The following ACOX2 variants were observed in gnomAD, a reference collection of about 807,000 sequenced individuals.
The protein encoded by ACOX2 is acyl-CoA oxidase 2.
A neutral mutation model predicts 77.5 loss-of-function variants in ACOX2; 59 were observed. The ratio of observed to expected loss-of-function variants is 0.76; its 90% CI spans 0.62 to 0.95. ACOX2 has a LOEUF of 0.95. ACOX2 is among the 40% of genes least tolerant of loss of function. The pLI is 0.00. For synonymous variants in ACOX2, 317 were observed against 340.1 expected (o/e 0.93, Z 0.75); for missense variants, 837 against 880.4 (o/e 0.95, Z 0.62).
chr3:58,523,205 G>A lies in ACOX2; in HGVS notation c.1527-604C>T, dbSNP rs2063372067. 6.6e-6 allele frequency among the ~76,000 whole-genome samples: 1 copy of A among 152,140 alleles called. No individual in the cohort carries two copies. The highest frequency in any genetic ancestry group is 1.5e-5 in the Non-Finnish European group (1 of 68,008). On this transcript the variant is annotated intron_variant, in intron 11 of 14. Coordinates refer to ENST00000302819, the MANE Select transcript of ACOX2 (RefSeq NM_003500.4). This position sits in a 1 kb window ranked among gnomAD's most constrained non-coding sequence, Gnocchi z 5.3. ...ATGACCCTTAGAATTTGTGTGTAAA[G>A]CAAACTGTTTATTAAGCAATATGTT...
At chr3:58,518,252 G>A (rs2107995501) in intron 12 of ACOX2, among the ~76,000 whole-genome samples, 1 of 152,278 alleles carries the variant, frequency 6.6e-6, no homozygotes, top group African/African-American at 2.4e-5. Flanking sequence ...AAGGTAAGCA[G>A]TGCTGTTATT....
At chr3:58,530,401 G>T (rs1262187014) in intron 8 of ACOX2, 65 bp downstream of exon 8, 3 of 1,569,294 alleles carry the variant, frequency 1.9e-6, no homozygotes, top group South Asian at 1.2e-5. Flanking sequence ...GGTGGTGTCA[G>T]GGGGAGGCAC....
rs2107992402 is a variant in ACOX2, at chr3:58,515,314, C to T, written c.1850+1892G>A. On this transcript the variant is annotated intron_variant, in intron 13 of 14. Coordinates refer to ENST00000302819, the MANE Select transcript of ACOX2 (RefSeq NM_003500.4). The surrounding 1 kb of genome is among the most constrained non-coding windows in gnomAD (Gnocchi z 4.0). ...GGGATTGCAGGTATTAGCCACCGCG[C>T]CTGGCCTGAACAAACATTTTTTTGA... 6.6e-6 allele frequency among the ~76,000 whole-genome samples: 1 copy of T among 152,308 alleles called. No individual in the cohort carries two copies. Among genetic ancestry groups the T allele is most frequent in the Middle Eastern group, 3.4e-3 (1 of 294 alleles).
rs1271834946 is a variant in ACOX2 at position 58,534,759 on chromosome 3, C to T, written c.160+188G>A. The T allele has an allele frequency of 7.6e-7, 1 of 1,318,992 alleles. No individual in the cohort carries two copies. Among genetic ancestry groups the T allele is most frequent in the Non-Finnish European group, 1.1e-6 (1 of 940,198 alleles). 81.7% of individuals were successfully genotyped at this position (1,318,992 alleles called of 1,614,324 possible). A position where few individuals can be genotyped will look rare whatever the true frequency, so the allele number is the denominator to read the frequency against. On this transcript the variant is annotated intron_variant, in intron 2 of 14. Coordinates refer to ENST00000302819, the MANE Select transcript of ACOX2 (RefSeq NM_003500.4). The surrounding 1 kb of genome is among the most constrained non-coding windows in gnomAD (Gnocchi z 4.8). ...CTTCTGCTGCCTAGGACTCTTCTAT[C>T]CCCTAGGTGGGCTCAGGCAATATTG...
intron 13 of ACOX2, among the ~76,000 whole-genome samples, chr3:58,509,961 T>C (rs1053517093): frequency 1.3e-5 from 2 of 152,166 alleles, no homozygotes; most frequent in Non-Finnish European, 2.9e-5. Flanking sequence ...TCAAAATATC[T>C]TGTTTATATT....
rs1288249898 is a variant in ACOX2, at chr3:58,525,271, G to GA, written c.1347-667dup. Among the ~76,000 whole-genome samples, 4 of 151,910 alleles carry GA rather than the reference G, an allele frequency of 2.6e-5. No homozygotes were observed. The highest frequency in any genetic ancestry group is 5.9e-5 in the Non-Finnish European group (4 of 67,970). ...GCTATTGTACTCCTTTTCTAATTTGGAAAAAAACCAAGGGATGTTATATAT... is the reference window on the plus strand; with the variant it reads ...GCTATTGTACTCCTTTTCTAATTTGGAAAAAAAACCAAGGGATGTTATATAT... On this transcript the variant is annotated intron_variant, in intron 10 of 14. Coordinates refer to ENST00000302819, the MANE Select transcript of ACOX2 (RefSeq NM_003500.4). The surrounding 1 kb of genome is among the most constrained non-coding windows in gnomAD (Gnocchi z 5.0).
In ACOX2 at chr3:58,534,405, C is replaced by G; in HGVS notation, c.278G>C (p.Arg93Pro). ...RAFHIRLIAR[R>P]LGWLEDGREL... ...ACGACCATCTTCTAACCAACCCAGG[C>G]GCCGAGCTATCAACCGGATGTGGAA... is the stretch of plus-strand genomic sequence containing the variant. Residue 93 changes from arginine to proline, a missense_variant, in exon 3 of 15, where the codon CGC (arginine) becomes CCC (proline). Transcript: ENST00000302819. This position sits in a 1 kb window ranked among gnomAD's most constrained non-coding sequence, Gnocchi z 4.8. The G allele has an allele frequency of 6.2e-7, 1 of 1,614,184 alleles. No homozygotes were observed. The highest frequency in any genetic ancestry group is 8.5e-7 in the Non-Finnish European group (1 of 1,180,042).
At chr3:58,527,874 T>G (rs866697985) in intron 9 of ACOX2, among the ~76,000 whole-genome samples, 142 of 151,682 alleles carry the variant, frequency 9.4e-4, no homozygotes, top group African/African-American at 3.3e-3. Context: ...TCATTTTTTT[T>G]TTTTTTTGTG....
In ACOX2 at chr3:58,525,552, T is replaced by C. The variant is rs909858439; in HGVS notation, c.1346+914A>G. ...GATGCTAAAGCGAGCAAGGTAGGGGTAGTCCCTGCCCTCAGGGAGCTCCTA... is the reference window on the plus strand; with the variant it reads ...GATGCTAAAGCGAGCAAGGTAGGGGCAGTCCCTGCCCTCAGGGAGCTCCTA... On this transcript the variant is annotated intron_variant, in intron 10 of 14. Transcript: ENST00000302819. This position sits in a 1 kb window ranked among gnomAD's most constrained non-coding sequence, Gnocchi z 5.0. Among the ~76,000 whole-genome samples, 1 of 152,116 alleles carries C rather than the reference T, an allele frequency of 6.6e-6. No individual in the cohort carries two copies. The highest frequency in any genetic ancestry group is 2.4e-5 in the African/African-American group (1 of 41,414).
chr3:58,509,685 A>C (rs1386003858), intron 13 of ACOX2, among the ~76,000 whole-genome samples: 1 of 138,806 alleles, frequency 7.2e-6, no homozygotes, highest in Non-Finnish European at 1.5e-5. Flanking sequence ...AGCTCACTGC[A>C]ACCTCTACCT....
In ACOX2 at chr3:58,524,799, G is replaced by A. The variant is rs984390617; in HGVS notation, c.1347-194C>T. Among the ~76,000 whole-genome samples the A allele has an allele frequency of 3.9e-5, 6 of 152,180 alleles. No homozygotes were observed. Among genetic ancestry groups the A allele is most frequent in the African/African-American group, 1.4e-4 (6 of 41,442 alleles). Reference sequence around the variant, plus strand: ...CGTCCTGCCTCGAGGCCCTCAGTCAGGCATATCCCAGGACCTGTGGAGCTG... The same window carrying A: ...CGTCCTGCCTCGAGGCCCTCAGTCAAGCATATCCCAGGACCTGTGGAGCTG... On this transcript the variant is annotated intron_variant, in intron 10 of 14. Coordinates refer to ENST00000302819, the MANE Select transcript of ACOX2 (RefSeq NM_003500.4). This position sits in a 1 kb window ranked among gnomAD's most constrained non-coding sequence, Gnocchi z 5.5.
chr3:58,507,326 A>T (rs185584176), intron 14 of ACOX2, among the ~76,000 whole-genome samples: 5 of 152,344 alleles, frequency 3.3e-5, no homozygotes, highest in African/African-American at 1.2e-4. Flanking sequence ...ATAGAAGTGA[A>T]TGGGATGAAG....
At position 58,512,182 on chromosome 3, in the gene ACOX2, T is replaced by G. The variant is rs181148535; in HGVS notation, c.1851-3157A>C. Among the ~76,000 whole-genome samples, 2 of 152,370 alleles carry G rather than the reference T, an allele frequency of 1.3e-5. No individual in the cohort carries two copies. The highest frequency in any genetic ancestry group is 4.8e-5 in the African/African-American group (2 of 41,588). On this transcript the variant is annotated intron_variant, in intron 13 of 14. Transcript: ENST00000302819. This position sits in a 1 kb window ranked among gnomAD's most constrained non-coding sequence, Gnocchi z 4.8. ...TGGGCCTCCTGTAGTCTTCCGCATTTATAGTAAATGGCAGCTCTGCCCTTC... is the reference window on the plus strand; with the variant it reads ...TGGGCCTCCTGTAGTCTTCCGCATTGATAGTAAATGGCAGCTCTGCCCTTC...
At chr3:58,532,363 C>T (rs1023367724) in intron 5 of ACOX2, among the ~76,000 whole-genome samples, 1 of 151,326 alleles carries the variant, frequency 6.6e-6, no homozygotes, top group South Asian at 2.1e-4. Context: ...CTCTCTCTCT[C>T]TTTTTTTTTC....
chr3:58,522,687 A>T lies in ACOX2; in HGVS notation c.1527-86T>A. On this transcript the variant is annotated intron_variant, in intron 11 of 14. Transcript: ENST00000302819. This position sits in a 1 kb window ranked among gnomAD's most constrained non-coding sequence, Gnocchi z 4.3. Reference sequence around the variant, plus strand: ...CTTCCTGTGGTCCCTCAGAAGTAGAAATAATGCCTGTTTATTGACCACTTA... The same window carrying T: ...CTTCCTGTGGTCCCTCAGAAGTAGATATAATGCCTGTTTATTGACCACTTA... 1 of 1,156,338 alleles carries T rather than the reference A, an allele frequency of 8.6e-7. No individual in the cohort carries two copies. Among genetic ancestry groups the T allele is most frequent in the Non-Finnish European group, 1.3e-6 (1 of 768,474 alleles). The allele number at this position is 1,156,338 out of a possible 1,614,324, so 71.6% of individuals were successfully genotyped here.
chr3:58,524,694 G>GCTGGAAC lies in ACOX2; in HGVS notation c.1347-90_1347-89insGTTCCAG, dbSNP rs1193564556. ...CACTCCCAGAGACAGGCAAGCTCAT[G>GCTGGAAC]CTAGGTTCCAGCCTTCCCGTGGGAG... On this transcript the variant is annotated intron_variant, in intron 10 of 14. Transcript: ENST00000302819. The surrounding 1 kb of genome is among the most constrained non-coding windows in gnomAD (Gnocchi z 5.5). 5 of 1,397,696 alleles carry GCTGGAAC rather than the reference G, an allele frequency of 3.6e-6. No homozygotes were observed. Among genetic ancestry groups the GCTGGAAC allele is most frequent in the Non-Finnish European group, 4.9e-6 (5 of 1,024,630 alleles). 86.6% of individuals were successfully genotyped at this position (1,397,696 alleles called of 1,614,324 possible).
rs1342250012 is a variant in ACOX2 at position 58,528,298 on chromosome 3, G to A, written c.1155+496C>T. ...TTTACCTGAGACCTGTGAGCCAGAT[G>A]TGTTTAGGAATCAGAGTAACTTTTG... On this transcript the variant is annotated intron_variant, in intron 9 of 14. Coordinates refer to ENST00000302819, the MANE Select transcript of ACOX2 (RefSeq NM_003500.4). This position sits in a 1 kb window ranked among gnomAD's most constrained non-coding sequence, Gnocchi z 5.6. 6.6e-6 allele frequency among the ~76,000 whole-genome samples: 1 copy of A among 152,234 alleles called. No individual in the cohort carries two copies. Among genetic ancestry groups the A allele is most frequent in the Non-Finnish European group, 1.5e-5 (1 of 68,044 alleles).
rs143399044 is a variant in ACOX2, at chr3:58,531,340, T to C, written c.730A>G (p.Lys244Glu). 1 of 1,614,074 alleles carries C rather than the reference T, an allele frequency of 6.2e-7. No homozygotes were observed. Among genetic ancestry groups the C allele is most frequent in the Non-Finnish European group, 8.5e-7 (1 of 1,180,014 alleles). ...TTGTCTGTTTGATCAAAGTCCATCT[T>C]GGGTCCGATGTCCCCAATGATGATT... The part of the protein sequence containing the change: ...PGIIIGDIGP[K>E]MDFDQTDNGF... The change falls in exon 7 of 15, where the codon AAG (lysine) becomes GAG (glutamate). Residue 244 changes from lysine to glutamate, a missense_variant. Transcript: ENST00000302819. The surrounding 1 kb of genome is among the most constrained non-coding windows in gnomAD (Gnocchi z 5.8).
chr3:58,520,004 G>C (rs1014269717), intron 12 of ACOX2, among the ~76,000 whole-genome samples: 1 of 152,208 alleles, frequency 6.6e-6, no homozygotes, highest in African/African-American at 2.4e-5. Context: ...AGCAGGATGA[G>C]GATCAGAGAC....
Sources: allele counts gnomAD v4.1 joint callset (sites outside exome capture counted in the v4.1 genomes callset), GRCh38; gene constraint gnomAD v4.1.1; non-coding constraint Gnocchi (gnomAD v3.1); transcripts MANE v1.5; gene names NCBI Gene and HGNC (gene_info 2026-07-23, HGNC 2026-07-21).